ASIC2: variants seen among roughly 807,000 people sequenced by gnomAD.
ASIC2 encodes the protein acid-sensing ion channel 2.
In ASIC2, 25 loss-of-function variants were observed where a neutral mutation model predicts 57.3. The ratio of observed to expected loss-of-function variants is 0.44; its 90% confidence interval spans 0.32 to 0.61. The LOEUF is 0.61. Ranked by LOEUF, ASIC2 falls within the 20% of genes least tolerant of loss-of-function variation. The pLI is 0.06. For synonymous variants in ASIC2, 319 were observed against 307.5 expected (o/e 1.04, Z -0.39); for missense variants, 641 against 738.1 (o/e 0.87, Z 1.52).
intron 1 of ASIC2, among the ~76,000 whole-genome samples, chr17:33,165,183 C>T (rs1167818760): frequency 1.3e-5 from 2 of 152,304 alleles, no homozygotes; most frequent in Middle Eastern, 3.4e-3. Flanking sequence ...AGGTCTGTGC[C>T]AGATGTTTGT....
At chr17:33,173,396 G>A (rs148875959) in intron 1 of ASIC2, among the ~76,000 whole-genome samples, 5 of 152,228 alleles carry the variant, frequency 3.3e-5, no homozygotes, top group East Asian at 1.9e-4. Context: ...CCAAGCTTGC[G>A]GGGCCTGATC....
At chr17:34,151,114 AAAAAAAAAAAAT>A (rs938035273) in intron 1 of ASIC2, among the ~76,000 whole-genome samples, 1 of 147,188 alleles carries the variant, frequency 6.8e-6, no homozygotes, top group African/African-American at 2.5e-5. Context: ...AGAAAAAAAA[AAAAAAAAAAAAT>A]AAAGAGGTAG....
At chr17:33,837,495 A>G (rs1221076448) in intron 1 of ASIC2, among the ~76,000 whole-genome samples, 3 of 152,330 alleles carry the variant, frequency 2.0e-5, no homozygotes, top group Non-Finnish European at 2.9e-5. Context: ...AACCAATGTA[A>G]GCACAATGTC....
At chr17:33,801,031 A>G (rs1316356594) in intron 1 of ASIC2, among the ~76,000 whole-genome samples, 1 of 152,192 alleles carries the variant, frequency 6.6e-6, no homozygotes, top group East Asian at 1.9e-4. Flanking sequence ...GAGTGCTGAG[A>G]TTAAAAACCC....
chr17:33,880,361 A>G (rs1914668250), intron 1 of ASIC2, among the ~76,000 whole-genome samples: 1 of 152,204 alleles, frequency 6.6e-6, no homozygotes, highest in South Asian at 2.1e-4. Context: ...GAACACTAGC[A>G]AGACTAATAA....
chr17:34,105,353 T>C (rs1205822828), intron 1 of ASIC2, among the ~76,000 whole-genome samples: 4 of 151,886 alleles, frequency 2.6e-5, no homozygotes. Flanking sequence ...CTGTTTTTGT[T>C]TTTTGGTCTA....
At chr17:33,044,577 G>A (rs1013523630) in intron 3 of ASIC2, among the ~76,000 whole-genome samples, 1 of 152,090 alleles carries the variant, frequency 6.6e-6, no homozygotes, top group East Asian at 1.9e-4. Flanking sequence ...GGTCAGGCTG[G>A]CCTCAAACTC....
chr17:33,536,185 C>T (rs1435122631), intron 1 of ASIC2, among the ~76,000 whole-genome samples: 5 of 151,936 alleles, frequency 3.3e-5, no homozygotes, highest in African/African-American at 1.2e-4. Flanking sequence ...CCAAAATTGA[C>T]CACTCCCTTC....
chr17:33,044,289 TCCATCCATCCATCCAA>T (rs1484029203), intron 3 of ASIC2, among the ~76,000 whole-genome samples: 4 of 150,916 alleles, frequency 2.7e-5, no homozygotes, highest in African/African-American at 9.8e-5. Context: ...CATCCATCCA[TCCATCCATCCATCCAA>T]CCATCCATCC....
chr17:33,814,302 T>C (rs182735631), intron 1 of ASIC2, among the ~76,000 whole-genome samples: 7 of 152,310 alleles, frequency 4.6e-5, no homozygotes, highest in African/African-American at 1.7e-4. Context: ...CTTCCCGGCA[T>C]GACTGAAGTG....
At chr17:33,353,276 C>T (rs571362284) in intron 1 of ASIC2, among the ~76,000 whole-genome samples, 2 of 152,130 alleles carry the variant, frequency 1.3e-5, no homozygotes, top group African/African-American at 2.4e-5. Flanking sequence ...TGCCCATTGC[C>T]GTGGTGGGAA....
chr17:34,119,473 G>A (rs574265508), intron 1 of ASIC2, among the ~76,000 whole-genome samples: 56 of 152,160 alleles, frequency 3.7e-4, no homozygotes, highest in South Asian at 1.7e-3. Flanking sequence ...ATGCTTAGAG[G>A]ATCTCTTCCT....
chr17:33,605,727 C>CT (rs1255691401), intron 1 of ASIC2, among the ~76,000 whole-genome samples: 2 of 152,222 alleles, frequency 1.3e-5, no homozygotes, highest in Non-Finnish European at 2.9e-5. Flanking sequence ...ATCAACAGCG[C>CT]TAACCAAGGA....
At chr17:33,159,757 C>CT (rs1905109125) in intron 1 of ASIC2, among the ~76,000 whole-genome samples, 1 of 152,194 alleles carries the variant, frequency 6.6e-6, no homozygotes, top group Non-Finnish European at 1.5e-5. Context: ...AGTCAGACTA[C>CT]TATATTGAAC....
chr17:34,006,775 T>C (rs1266435775), intron 1 of ASIC2: 1 of 152,156 alleles, frequency 6.6e-6, no homozygotes, highest in Non-Finnish European at 1.5e-5. Flanking sequence ...GAGGGCAGAT[T>C]TACACTCCTG....
intron 1 of ASIC2, among the ~76,000 whole-genome samples, chr17:33,409,797 AC>A (rs1910593393): frequency 6.6e-6 from 1 of 152,196 alleles, no homozygotes; most frequent in Non-Finnish European, 1.5e-5. Flanking sequence ...GGCTTTAGGA[AC>A]AACTGATCCT....
chr17:33,125,059 T>G (rs2092317930), intron 1 of ASIC2, among the ~76,000 whole-genome samples: 1 of 152,200 alleles, frequency 6.6e-6, no homozygotes, highest in African/African-American at 2.4e-5. Context: ...TAAACACAGA[T>G]GAAGCTTGGC....
chr17:34,107,044 C>T (rs898181621), intron 1 of ASIC2, among the ~76,000 whole-genome samples: 3 of 152,124 alleles, frequency 2.0e-5, no homozygotes, highest in South Asian at 2.1e-4. Context: ...CAGGTGCATA[C>T]ATATATGTTC....
intron 1 of ASIC2, among the ~76,000 whole-genome samples, chr17:34,098,153 G>A (rs1312377037): frequency 2.6e-5 from 4 of 152,278 alleles, no homozygotes; most frequent in Middle Eastern, 3.4e-3. Flanking sequence ...ACAGTCCAGC[G>A]AGGGAGAAAG....
Sources: allele counts gnomAD v4.1 joint callset (sites outside exome capture counted in the v4.1 genomes callset), GRCh38; gene constraint gnomAD v4.1.1; transcripts MANE v1.5; gene names NCBI Gene and HGNC (gene_info 2026-07-23, HGNC 2026-07-21).